NFIC: variants seen among roughly 807,000 people sequenced by gnomAD.
NFIC encodes the protein nuclear factor 1 C-type.
A neutral mutation model predicts 54.4 loss-of-function variants in NFIC; 12 were observed. The ratio of observed to expected loss-of-function variants is 0.22; its 90% confidence interval spans 0.14 to 0.36. The LOEUF (loss-of-function observed/expected upper bound fraction) is 0.36, where lower values mean the gene tolerates loss of function less well. NFIC is among the 10% of genes least tolerant of loss of function. The probability of loss-of-function intolerance (pLI) is 1.00; values close to 1 mark genes in which losing one functional copy is unlikely to be tolerated. For synonymous variants in NFIC, 322 were observed against 319.2 expected, an observed-to-expected ratio of 1.01 and a Z score of -0.09; for missense variants, 575 against 718.2, an observed-to-expected ratio of 0.80 and a Z score of 2.28.
At chr19:3,365,919 G>C (rs1325462868), upstream of NFIC, among the ~76,000 whole-genome samples, 3 of 152,202 alleles carry the variant, frequency 2.0e-5, no homozygotes, top group African/African-American at 4.8e-5. Flanking sequence ...CCTGGCTCTG[G>C]GGGGAGAAGG....
At chr19:3,460,010 C>T (rs1011754288) in intron 10 of NFIC, among the ~76,000 whole-genome samples, 2 of 152,192 alleles carry the variant, frequency 1.3e-5, no homozygotes, top group Non-Finnish European at 2.9e-5. Flanking sequence ...TTGGAGTTTG[C>T]GTTTCCAGGG....
chr19:3,366,539 GGGGGGGTTGGGGGGGGC>G, upstream of NFIC: 26 of 564,978 alleles, frequency 4.6e-5, no homozygotes, highest in Non-Finnish European at 4.7e-5. Flanking sequence ...CGGGGCGGGG[GGGGGGGTTGGGGGGGGC>G]GGGGGGGTGG....
At chr19:3,398,403 C>T (rs1002528075) in intron 2 of NFIC, among the ~76,000 whole-genome samples, 3 of 152,116 alleles carry the variant, frequency 2.0e-5, no homozygotes, top group Admixed American at 6.6e-5. Context: ...CAAAGGCCAC[C>T]CAGCCTGGAT....
chr19:3,385,649 T>A (rs1161591105), intron 2 of NFIC, among the ~76,000 whole-genome samples: 3 of 146,904 alleles, frequency 2.0e-5, no homozygotes, highest in African/African-American at 7.5e-5. Flanking sequence ...CTTGGCTCAC[T>A]GCAACCTCTG....
rs577462399 is a variant in NFIC, at chr19:3,447,677, T to A, written c.959-1337T>A. On this transcript the variant is annotated intron_variant, in intron 6 of 10. Coordinates refer to ENST00000443272, the MANE Select transcript of NFIC (RefSeq NM_001245002.2). ...GCTGCCACTCCCACACTGCTCCCGATGGAAATTCCAGAGCTTTACAGAATC... is the reference window on the plus strand; with the variant it reads ...GCTGCCACTCCCACACTGCTCCCGAAGGAAATTCCAGAGCTTTACAGAATC... Among the ~76,000 whole-genome samples the A allele has an allele frequency of 2.0e-5, 3 of 152,318 alleles. No individual in the cohort carries two copies. In the East Asian group the frequency reaches 5.8e-4, roughly 29 times the overall value.
intron 2 of NFIC, among the ~76,000 whole-genome samples, chr19:3,416,454 A>G (rs1292549004): frequency 1.3e-5 from 2 of 150,824 alleles, no homozygotes; most frequent in Non-Finnish European, 3.0e-5. Context: ...CATTAAATAT[A>G]TATTTAATAT....
intron 9 of NFIC, among the ~76,000 whole-genome samples, chr19:3,455,707 G>C (rs750483333): frequency 6.6e-6 from 1 of 150,952 alleles, no homozygotes; most frequent in Admixed American, 6.6e-5. Context: ...GGGCTCGGTG[G>C]GATTATGCCC....
At position 3,434,410 on chromosome 19, in the gene NFIC, C is replaced by A; in HGVS notation, c.833+10C>A. ...GCACCTCCTCCAGTGGGTAAGTACC[C>A]AGGTCCCCACCTCTGGGCATTTCAT... On this transcript the variant is annotated intron_variant, in intron 5 of 10. Coordinates refer to ENST00000443272, the MANE Select transcript of NFIC (RefSeq NM_001245002.2). 1 of 1,595,690 alleles carries A rather than the reference C, an allele frequency of 6.3e-7. No individual in the cohort carries two copies. The highest frequency in any genetic ancestry group is 8.5e-7 in the Non-Finnish European group (1 of 1,170,672).
At chr19:3,362,696 T>G (rs927500171), upstream of NFIC, among the ~76,000 whole-genome samples, 1 of 152,098 alleles carries the variant, frequency 6.6e-6, no homozygotes, top group African/African-American at 2.4e-5. Context: ...GACTTTAACA[T>G]CCCTTCTTAC....
intron 10 of NFIC, among the ~76,000 whole-genome samples, chr19:3,457,420 A>C (rs983975323): frequency 7.9e-5 from 12 of 151,854 alleles, no homozygotes; most frequent in Non-Finnish European, 1.5e-5. Context: ...GGGCAGCCTT[A>C]GCCCCAGGCC....
In NFIC at chr19:3,381,836, A is replaced by C; in HGVS notation, c.155A>C (p.Asp52Ala). The change falls in exon 2 of 11, where the codon GAC becomes GCC. Residue 52 changes from aspartate (D) to alanine (A), a missense_variant. By Grantham distance (126) the Asp-to-Ala change is moderately radical. Around this residue, in one of 3 missense-constraint regions of NFIC, gnomAD observed 122 missense variants for 158.0 expected, o/e 0.77. Coordinates refer to ENST00000443272, the MANE Select transcript of NFIC (RefSeq NM_001245002.2). The stretch of plus-strand genomic sequence containing the variant: ...AAGCACGAGAAGCGGATGTCGAAGG[A>C]CGAGGAGCGTGCGGTCAAGGACGAG... ...FKKHEKRMSK[D>A]EERAVKDELL... The C allele has an allele frequency of 6.2e-7, 1 of 1,614,018 alleles. No homozygotes were observed. The highest frequency in any genetic ancestry group is 1.1e-5 in the South Asian group (1 of 91,088).
intron 2 of NFIC, among the ~76,000 whole-genome samples, chr19:3,389,110 A>G (rs1161845725): frequency 6.6e-6 from 1 of 152,200 alleles, no homozygotes; most frequent in Non-Finnish European, 1.5e-5. Context: ...TGAGTCATAC[A>G]GATCATACAG....
intron 6 of NFIC, among the ~76,000 whole-genome samples, chr19:3,447,068 G>A (rs1208455896): frequency 6.6e-6 from 1 of 152,124 alleles, no homozygotes; most frequent in Non-Finnish European, 1.5e-5. Context: ...GGAGGCCGAG[G>A]TGGGTGGATC....
chr19:3,405,512 G>C (rs1319612582), intron 2 of NFIC, among the ~76,000 whole-genome samples: 3 of 152,192 alleles, frequency 2.0e-5, no homozygotes, highest in African/African-American at 7.2e-5. Context: ...TCCCTCCTTA[G>C]AGCATCTTGG....
At chr19:3,425,780 G>T (rs1036183112) in intron 3 of NFIC, among the ~76,000 whole-genome samples, 1 of 146,544 alleles carries the variant, frequency 6.8e-6, no homozygotes, top group Non-Finnish European at 1.5e-5. Flanking sequence ...TCTTAGAAAC[G>T]GTCTCACGCT....
rs1400642114 is a variant in NFIC, at chr19:3,458,618, G to A, written c.1509+1983G>A. 6.6e-6 allele frequency among the ~76,000 whole-genome samples: 1 copy of A among 152,004 alleles called. No individual in the cohort carries two copies. The highest frequency in any genetic ancestry group is 1.5e-5 in the Non-Finnish European group (1 of 67,974). On this transcript the variant is annotated intron_variant, in intron 10 of 10. Transcript: ENST00000443272. The surrounding 1 kb of genome is among the most constrained non-coding windows in gnomAD (Gnocchi z 4.1). ...ACCCAGAAAGGGTGGGACCAGGGCT[G>A]GCAGAATGGGGTGTGGGGGGGCACT...
At chr19:3,374,491 A>C (rs574913154) in intron 1 of NFIC, among the ~76,000 whole-genome samples, 1 of 152,290 alleles carries the variant, frequency 6.6e-6, no homozygotes, top group Admixed American at 6.5e-5. Context: ...AGCCATTCAG[A>C]TGGTGAAAAT....
rs1480197545 is a variant in NFIC at position 3,448,092 on chromosome 19, T to C, written c.959-922T>C. On this transcript the variant is annotated intron_variant, in intron 6 of 10. Transcript: ENST00000443272. ...ACTATCCATCTGTTTTTTGTGTTTG[T>C]GATGGAGTCTTGCTCTGTAGCCCTG... is the stretch of plus-strand genomic sequence containing the variant. Among the ~76,000 whole-genome samples, 3 of 151,396 alleles carry C rather than the reference T, an allele frequency of 2.0e-5. 1 individual carries two copies. The highest frequency in any genetic ancestry group is 6.8e-3 in the Middle Eastern group (2 of 292).
intron 7 of NFIC, among the ~76,000 whole-genome samples, chr19:3,451,626 A>C (rs188118013): frequency 2.9e-5 from 4 of 139,782 alleles, no homozygotes; most frequent in East Asian, 4.0e-4. Flanking sequence ...GCGAGATTCT[A>C]TCTCTTAAAA....
Sources: gnomAD v4.1 joint callset for allele counts (sites outside exome capture counted in the v4.1 genomes callset) on GRCh38, gnomAD v4.1.1 for gene constraint, gnomAD v4.1.1 regional missense constraint, Gnocchi (gnomAD v3.1) non-coding constraint, MANE v1.5 for transcripts, NCBI Gene and HGNC (gene_info 2026-07-23, HGNC 2026-07-21) for gene names.